Variants in ANKRD30B observed in about 807,000 individuals in gnomAD.
ANKRD30B encodes the protein ankyrin repeat domain 30B, also known as ankyrin repeat domain-containing protein 30B.
A neutral mutation model predicts 202.2 loss-of-function variants in ANKRD30B; 144 were observed. That is an observed-to-expected ratio of 0.71 (90% CI 0.62 to 0.82). The LOEUF is 0.82. Among genes scored for constraint, ANKRD30B ranks in the 40% least tolerant of loss-of-function variants. The probability of loss-of-function intolerance (pLI) is 0.00; values close to 1 mark genes in which losing one functional copy is unlikely to be tolerated. For missense variants in ANKRD30B, 1,487 were observed against 1,669.1 expected (o/e 0.89, Z 1.90); for synonymous variants, 508 against 561.3 (o/e 0.91, Z 1.34).
rs1485953883 is a variant in ANKRD30B, at chr18:14,784,612, A to G, written c.1672+77A>G. On this transcript the variant is annotated intron_variant, in intron 14 of 43. Coordinates refer to ENST00000690538, the MANE Select transcript of ANKRD30B (RefSeq NM_001367607.2). The stretch of plus-strand genomic sequence containing the variant: ...TTTGATAGTCTTTCTATCCCCAATG[A>G]TTTATTTCTTTTAACTTTGATGAAA... 8 of 1,448,646 alleles carry G rather than the reference A, an allele frequency of 5.5e-6. No homozygotes were observed. In the South Asian group the frequency reaches 6.4e-5, roughly 12 times the overall value. 89.7% of individuals were successfully genotyped at this position (1,448,646 alleles called of 1,614,324 possible). A position where few individuals can be genotyped will look rare whatever the true frequency, so the allele number is the denominator to read the frequency against.
chr18:14,788,363 T>C (rs1467130344), intron 15 of ANKRD30B, among the ~76,000 whole-genome samples: 1 of 152,146 alleles, frequency 6.6e-6, no homozygotes, highest in Non-Finnish European at 1.5e-5. Context: ...AAGCTTGATG[T>C]AGAGAGAGTT....
the ANKRD30B span, among the ~76,000 whole-genome samples, chr18:14,879,072 C>T: frequency 1.1e-4 from 16 of 151,804 alleles, no homozygotes; most frequent in African/African-American, 3.2e-4. Context: ...AGCACAGACC[C>T]GGGGGACACC....
chr18:14,868,782 A>C, the ANKRD30B span, among the ~76,000 whole-genome samples: 5 of 152,300 alleles, frequency 3.3e-5, no homozygotes, highest in Non-Finnish European at 5.9e-5. Context: ...ACCTTAGGCC[A>C]CAGGGGCAGA....
chr18:14,824,606 CTT>C, intron 32 of ANKRD30B, among the ~76,000 whole-genome samples: 1 of 152,148 alleles, frequency 6.6e-6, no homozygotes, highest in Non-Finnish European at 1.5e-5. Context: ...TGTAAATAAA[CTT>C]GTGTTTCTGC....
chr18:14,856,669 T>C (rs1450783855), downstream of ANKRD30B, among the ~76,000 whole-genome samples: 1 of 131,914 alleles, frequency 7.6e-6, no homozygotes, highest in Non-Finnish European at 1.7e-5. Context: ...TCAGAGGCAC[T>C]CCTCACCTAC....
rs767789040 is a variant in ANKRD30B, at chr18:14,787,101, G to A, written c.1734+1G>A. 7 of 1,606,266 alleles carry A rather than the reference G, an allele frequency of 4.4e-6. No homozygotes were observed. The Admixed American group carries it at 8.4e-5, about 19-fold the overall frequency. On this transcript the variant is annotated splice_donor_variant, in intron 15 of 43. Transcript: ENST00000690538. LOFTEE classifies it high-confidence loss of function. ...TGAAGAAAATTCTTGGGATTCTGAG[G>A]TACTATGTGTTATTGATTTTTTTAA...
At chr18:14,758,033 T>G (rs1170536302) in intron 5 of ANKRD30B, 81 bp downstream of exon 5, 1 of 1,457,614 alleles carries the variant, frequency 6.9e-7, no homozygotes, top group Admixed American at 2.3e-5. Context: ...CTTAGTTCAC[T>G]TCATCAGCCA....
chr18:14,856,278 G>A (rs1326943144), downstream of ANKRD30B, among the ~76,000 whole-genome samples: 27 of 116,342 alleles, frequency 2.3e-4, no homozygotes, highest in Middle Eastern at 5.5e-3. Flanking sequence ...TGGGGCGGCC[G>A]AGAAATGCCA....
intron 9 of ANKRD30B, among the ~76,000 whole-genome samples, chr18:14,775,742 G>C (rs905893173): frequency 1.3e-5 from 2 of 152,206 alleles, no homozygotes; most frequent in Non-Finnish European, 2.9e-5. Flanking sequence ...ATGTGGAAGA[G>C]ATAGCAAAGG....
At chr18:14,787,221 T>C in intron 15 of ANKRD30B, 121 bp downstream of exon 15, 4 of 827,910 alleles carry the variant, frequency 4.8e-6, no homozygotes, top group Non-Finnish European at 7.3e-6. Context: ...TTTTTTGATA[T>C]TTTTCAGAAT....
Position 14,854,425 on chromosome 18 carries a change from T to C in ANKRD30B, c.*267T>C, listed in dbSNP as rs562807544. ...TGTGTGGGATGGGGGTAGAATCCCA[T>C]GCATGAGAAGGGGACAGGTCCTTTC... is the stretch of plus-strand genomic sequence containing the variant. On this transcript the variant is annotated 3_prime_UTR_variant, in exon 44 of 44. Transcript: ENST00000690538. 2.0e-5 allele frequency among the ~76,000 whole-genome samples: 3 copies of C among 152,270 alleles called. No individual in the cohort carries two copies. Among genetic ancestry groups the C allele is most frequent in the Non-Finnish European group, 4.4e-5 (3 of 68,022 alleles).
intron 37 of ANKRD30B, among the ~76,000 whole-genome samples, chr18:14,841,463 G>A (rs966770168): frequency 7.9e-5 from 12 of 152,124 alleles, no homozygotes; most frequent in African/African-American, 2.9e-4. Flanking sequence ...AGAAGTTCAA[G>A]ACATAACAGG....
chr18:14,798,738 T>G (rs1969099425), intron 20 of ANKRD30B, among the ~76,000 whole-genome samples: 1 of 152,144 alleles, frequency 6.6e-6, no homozygotes, highest in African/African-American at 2.4e-5. Flanking sequence ...GGAACCTTGG[T>G]GATGTGAAAC....
intron 34 of ANKRD30B, among the ~76,000 whole-genome samples, chr18:14,833,227 C>CG (rs1234869405): frequency 6.6e-6 from 1 of 150,596 alleles, no homozygotes; most frequent in African/African-American, 2.4e-5. Context: ...AGAACCACCG[C>CG]GTCCAGCCGA....
At chr18:14,840,303 C>T (rs903864701) in intron 36 of ANKRD30B, among the ~76,000 whole-genome samples, 3 of 152,012 alleles carry the variant, frequency 2.0e-5, no homozygotes, top group Admixed American at 6.6e-5. Context: ...TTTCGGAGGG[C>T]GAGGTGGGCA....
At chr18:14,878,278 G>A in the ANKRD30B span, among the ~76,000 whole-genome samples, 1 of 152,122 alleles carries the variant, frequency 6.6e-6, no homozygotes, top group Non-Finnish European at 1.5e-5. Flanking sequence ...ACAAAACGCG[G>A]TCTTTGTTAA....
At chr18:14,782,146 A>G (rs1044272238) in intron 11 of ANKRD30B, among the ~76,000 whole-genome samples, 6 of 152,194 alleles carry the variant, frequency 3.9e-5, no homozygotes, top group Non-Finnish European at 5.9e-5. Flanking sequence ...TTGAACTCCA[A>G]CATGCGTTAT....
chr18:14,752,537 T>C (rs1402217189), intron 1 of ANKRD30B, 29 bp from the exon 2 acceptor site: 1 of 1,566,970 alleles, frequency 6.4e-7, no homozygotes, highest in Non-Finnish European at 8.7e-7. Context: ...TGGGCTATAC[T>C]TTGCCTAAAA....
chr18:14,753,991 G>A (rs187076457), intron 3 of ANKRD30B, among the ~76,000 whole-genome samples: 233 of 152,210 alleles, frequency 1.5e-3, no homozygotes, highest in Non-Finnish European at 2.2e-3. Flanking sequence ...TAAAGAAGTA[G>A]ATATGCATTA....
Sources: gnomAD v4.1 joint callset for allele counts (sites outside exome capture counted in the v4.1 genomes callset) on GRCh38, gnomAD v4.1.1 for gene constraint, MANE v1.5 for transcripts, NCBI Gene and HGNC (gene_info 2026-07-23, HGNC 2026-07-21) for gene names.